STAB2: variants seen among roughly 807,000 people sequenced by gnomAD.
The protein encoded by STAB2 is stabilin 2, also known as stabilin-2.
STAB2 carries 288 observed loss-of-function variants against 338.1 expected under a neutral mutation model. That is an observed-to-expected ratio of 0.85 (90% CI 0.77 to 0.94). STAB2 has a LOEUF of 0.94. Ranked by LOEUF, STAB2 falls within the 40% of genes least tolerant of loss-of-function variation. The probability of loss-of-function intolerance (pLI) is 0.00; values close to 1 mark genes in which losing one functional copy is unlikely to be tolerated. For missense variants in STAB2, 3,141 were observed against 3,210.1 expected (o/e 0.98, Z 0.52); for synonymous variants, 1,202 against 1,193.3 (o/e 1.01, Z -0.15).
intron 5 of STAB2, among the ~76,000 whole-genome samples, chr12:103,630,756 G>C (rs1161234864): frequency 2.0e-5 from 3 of 152,214 alleles, no homozygotes; most frequent in Non-Finnish European, 1.5e-5. Flanking sequence ...GGCTCTAGAA[G>C]CTAGAAAAGA....
chr12:103,669,435 G>A, intron 20 of STAB2, 106 bp from the exon 21 acceptor site: 1 of 970,982 alleles, frequency 1.0e-6, no homozygotes, highest in South Asian at 1.4e-5. Flanking sequence ...CTCATAAGGA[G>A]AGGCGAATAT....
intron 5 of STAB2, among the ~76,000 whole-genome samples, chr12:103,622,969 T>A (rs12322357): frequency 0.023 from 3,451 of 152,258 alleles, 146 homozygotes; most frequent in African/African-American, 0.079. Flanking sequence ...AGGTGGTCAG[T>A]GATTGTTGCT....
chr12:103,599,840 T>C (rs1956928904), intron 3 of STAB2, among the ~76,000 whole-genome samples: 1 of 152,180 alleles, frequency 6.6e-6, no homozygotes, highest in Admixed American at 6.5e-5. Flanking sequence ...AGCATTTCTG[T>C]CTTTTGTGTT....
intron 31 of STAB2, 56 bp downstream of exon 31, chr12:103,692,945 C>A: frequency 6.8e-7 from 1 of 1,460,978 alleles, no homozygotes; most frequent in Non-Finnish European, 9.4e-7. Flanking sequence ...TGTTGTTTAT[C>A]GTCCTATACA....
Position 103,725,067 on chromosome 12 carries a change from A to G in STAB2, c.4776A>G (p.Gly1592=), listed in dbSNP as rs1375123534. The change falls in exon 45 of 69, where the codon GGA becomes GGG. Residue 1592 remains glycine (G), a synonymous_variant. Transcript: ENST00000388887. The part of the protein sequence containing the change: ...CTCKPNYIGD[G]FTCRGSIYQE... ...GCAAGCCAAACTACATTGGAGATGGATTTACCTGCCGCGGCAGCATTTATC... is the reference window on the plus strand; with the variant it reads ...GCAAGCCAAACTACATTGGAGATGGGTTTACCTGCCGCGGCAGCATTTATC... 1.1e-5 allele frequency: 17 copies of G among 1,613,258 alleles called. No homozygotes were observed. The East Asian group carries it at 3.6e-4, about 34-fold the overall frequency.
At chr12:103,696,261 A>G (rs1276279881) in intron 33 of STAB2, among the ~76,000 whole-genome samples, 2 of 152,054 alleles carry the variant, frequency 1.3e-5, no homozygotes, top group African/African-American at 4.8e-5. Flanking sequence ...GGTGGGAGAA[A>G]AGAGTGGGCT....
intron 56 of STAB2, among the ~76,000 whole-genome samples, chr12:103,743,832 G>A (rs117203936): frequency 1.6e-3 from 237 of 152,298 alleles, no homozygotes; most frequent in Non-Finnish European, 2.6e-3. Flanking sequence ...GTGGCTGAGC[G>A]GAGTGGGCAA....
intron 44 of STAB2, among the ~76,000 whole-genome samples, chr12:103,721,793 C>A (rs909168648): frequency 6.6e-6 from 1 of 152,088 alleles, no homozygotes; most frequent in Non-Finnish European, 1.5e-5. Context: ...AGTTTGAGAC[C>A]AGCTTGGAGA....
chr12:103,630,586 G>A (rs1008581961), intron 5 of STAB2, among the ~76,000 whole-genome samples: 2 of 152,178 alleles, frequency 1.3e-5, no homozygotes, highest in African/African-American at 4.8e-5. Context: ...AGAGTATCCT[G>A]GATTATCCAG....
At chr12:103,686,731 G>A (rs140259428) in intron 27 of STAB2, among the ~76,000 whole-genome samples, 168 of 152,274 alleles carry the variant, frequency 1.1e-3, no homozygotes, top group Non-Finnish European at 2.0e-3. Flanking sequence ...AACTCCAAGT[G>A]ATTCACATAC....
intron 3 of STAB2, among the ~76,000 whole-genome samples, chr12:103,611,323 G>C (rs1391040826): frequency 6.6e-6 from 1 of 152,146 alleles, no homozygotes; most frequent in Non-Finnish European, 1.5e-5. Context: ...GTGGGAGTCT[G>C]AGTCTCTTTG....
At chr12:103,756,993 G>GAA (rs146893760) in intron 63 of STAB2, among the ~76,000 whole-genome samples, 7 of 15,260 alleles carry the variant, frequency 4.6e-4, no homozygotes, top group African/African-American at 2.4e-3. Flanking sequence ...CAGAAGGAGG[G>GAA]AAAATATATA....
intron 9 of STAB2, among the ~76,000 whole-genome samples, chr12:103,640,608 C>T (rs1243815723): frequency 6.6e-6 from 1 of 152,188 alleles, no homozygotes; most frequent in African/African-American, 2.4e-5. Context: ...CCTGTTTCCT[C>T]ACTCATGACA....
At chr12:103,737,915 C>A in intron 53 of STAB2, 135 bp downstream of exon 53, 1 of 1,140,470 alleles carries the variant, frequency 8.8e-7, no homozygotes, top group Non-Finnish European at 1.2e-6. Context: ...ACCTGAGGGC[C>A]AAATGATGTA....
chr12:103,673,865 T>C (rs1197142923), intron 22 of STAB2, 42 bp from the exon 23 acceptor site: 2 of 1,581,318 alleles, frequency 1.3e-6, no homozygotes, highest in South Asian at 1.2e-5. Flanking sequence ...GCTTGGCTTG[T>C]CCCCAAGGCC....
intron 2 of STAB2, among the ~76,000 whole-genome samples, chr12:103,591,346 C>T (rs1956795272): frequency 6.6e-6 from 1 of 151,874 alleles, no homozygotes. Context: ...TTAGCCAGGC[C>T]TGGTGGCACC....
chr12:103,625,361 C>A (rs1179753016), intron 5 of STAB2, among the ~76,000 whole-genome samples: 2 of 151,818 alleles, frequency 1.3e-5, no homozygotes, highest in Non-Finnish European at 2.9e-5. Flanking sequence ...GTCTCAACAC[C>A]TAAATTTTTT....
At chr12:103,608,446 A>G (rs1349418486) in intron 3 of STAB2, among the ~76,000 whole-genome samples, 2 of 152,096 alleles carry the variant, frequency 1.3e-5, no homozygotes, top group Admixed American at 1.3e-4. Flanking sequence ...CCAGCCTATG[A>G]TAAGCATTTT....
chr12:103,662,245 T>C (rs1028280638), intron 17 of STAB2, among the ~76,000 whole-genome samples: 2 of 152,106 alleles, frequency 1.3e-5, no homozygotes, highest in African/African-American at 2.4e-5. Flanking sequence ...GCTGATGAGT[T>C]AAATGGGGGT....
Sources: allele counts gnomAD v4.1 joint callset (sites outside exome capture counted in the v4.1 genomes callset), GRCh38; gene constraint gnomAD v4.1.1; transcripts MANE v1.5; gene names NCBI Gene and HGNC (gene_info 2026-07-23, HGNC 2026-07-21).